Variants in ME3 observed in about 807,000 individuals in gnomAD.
ME3 encodes NADP-dependent malic enzyme, mitochondrial.
Under a neutral mutation model 68.9 loss-of-function variants are expected in ME3, and 48 were observed. The observed-to-expected ratio is 0.70, with a 90% CI of 0.55 to 0.89. The LOEUF (loss-of-function observed/expected upper bound fraction) is 0.89, where lower values mean the gene tolerates loss of function less well. ME3 is among the 40% of genes least tolerant of loss of function. The pLI is 0.00. For missense variants in ME3, 675 were observed against 797.4 expected, an observed-to-expected ratio of 0.85 and a Z score of 1.85; for synonymous variants, 320 against 318.8, an observed-to-expected ratio of 1.00 and a Z score of -0.04.
intron 8 of ME3, among the ~76,000 whole-genome samples, chr11:86,460,759 A>G (rs1417643894): frequency 3.9e-5 from 6 of 152,208 alleles, no homozygotes; most frequent in Non-Finnish European, 4.4e-5. Flanking sequence ...CTCCTCTCCC[A>G]TTATGAGCAT....
chr11:86,623,496 G>A (rs1278335070), intron 2 of ME3, among the ~76,000 whole-genome samples: 2 of 141,592 alleles, frequency 1.4e-5, no homozygotes, highest in African/African-American at 2.7e-5. Context: ...TGTCCTGTTG[G>A]TTTTGTTTCT....
intron 2 of ME3, among the ~76,000 whole-genome samples, chr11:86,629,896 C>T (rs1943906881): frequency 6.6e-6 from 1 of 152,092 alleles, no homozygotes; most frequent in African/African-American, 2.4e-5. Context: ...TCTAAATGTG[C>T]ACTGTTGAGG....
At position 86,507,770 on chromosome 11, in the gene ME3, C is replaced by T. The variant is rs1216701233; in HGVS notation, c.543+1022G>A. On this transcript the variant is annotated intron_variant, in intron 5 of 14. Coordinates refer to ENST00000543262, the Ensembl canonical transcript of ME3. ...GGCGTCGATGGACAGATCACTTGGG[C>T]CCAGAAATTCAGGACCAGTCAGGGC... is the stretch of plus-strand genomic sequence containing the variant. Among the ~76,000 whole-genome samples, 3 of 152,158 alleles carry T rather than the reference C, an allele frequency of 2.0e-5. No individual in the cohort carries two copies. In the East Asian group the frequency reaches 5.8e-4, roughly 29 times the overall value.
intron 2 of ME3, among the ~76,000 whole-genome samples, chr11:86,610,253 A>C (rs894340356): frequency 1.3e-5 from 2 of 152,126 alleles, no homozygotes; most frequent in African/African-American, 2.4e-5. Context: ...ATAATGTTTC[A>C]TTTAAAAAAC....
chr11:86,533,672 G>T (rs10792855), intron 4 of ME3, among the ~76,000 whole-genome samples: 17,785 of 152,134 alleles, frequency 0.12, 1,043 homozygotes, highest in Non-Finnish European at 0.14. Context: ...AAAGCCAGAC[G>T]AGGACACTAC....
intron 2 of ME3, among the ~76,000 whole-genome samples, chr11:86,640,514 AT>A (rs1167360130): frequency 2.6e-5 from 4 of 152,120 alleles, no homozygotes; most frequent in Non-Finnish European, 4.4e-5. Context: ...GGGGCCACAG[AT>A]TTTCACACTG....
At chr11:86,672,240 A>G (rs985991201) in intron 1 of ME3, 84 bp downstream of exon 1, 1 of 353,272 alleles carries the variant, frequency 2.8e-6, no homozygotes, top group Non-Finnish European at 5.0e-6. Context: ...TCCCTGTGAA[A>G]AAGAGGCGAC....
chr11:86,435,474 A>T, the ME3 span: 1 of 152,236 alleles, frequency 6.6e-6, no homozygotes, highest in Non-Finnish European at 1.5e-5. Flanking sequence ...GATTCTGGAC[A>T]TGGACTAATA....
chr11:86,625,913 G>GTA (rs1380670719), intron 2 of ME3, among the ~76,000 whole-genome samples: 5 of 152,124 alleles, frequency 3.3e-5, no homozygotes, highest in African/African-American at 1.2e-4. Context: ...GATAATATGA[G>GTA]TATATACCTC....
chr11:86,481,648 C>CT (rs2138880589), intron 7 of ME3, among the ~76,000 whole-genome samples: 1 of 152,272 alleles, frequency 6.6e-6, no homozygotes, highest in Non-Finnish European at 1.5e-5. Context: ...GAAGAAGCAG[C>CT]TGCAGCTTCA....
At chr11:86,672,042 G>T in intron 1 of ME3, 84 bp from the exon 2 acceptor site, 1 of 1,135,732 alleles carries the variant, frequency 8.8e-7, no homozygotes. Flanking sequence ...GGCCTGATCC[G>T]GGGACGCGCC....
intron 2 of ME3, among the ~76,000 whole-genome samples, chr11:86,617,543 C>G (rs1423245602): frequency 1.3e-5 from 2 of 152,102 alleles, no homozygotes; most frequent in Non-Finnish European, 2.9e-5. Context: ...TTTGAAGAGA[C>G]TCTACATTTT....
At chr11:86,499,225 G>A (rs1265864413) in intron 5 of ME3, among the ~76,000 whole-genome samples, 1 of 152,112 alleles carries the variant, frequency 6.6e-6, no homozygotes, top group Non-Finnish European at 1.5e-5. Context: ...TGTTTGGGGA[G>A]CGAGGAGATG....
At chr11:86,554,662 T>C (rs1290928574) in intron 4 of ME3, among the ~76,000 whole-genome samples, 1 of 152,170 alleles carries the variant, frequency 6.6e-6, no homozygotes, top group Non-Finnish European at 1.5e-5. Context: ...CTCAATTTCA[T>C]AAATGTGGAA....
chr11:86,613,975 A>G (rs1449642969), intron 2 of ME3, among the ~76,000 whole-genome samples: 1 of 152,176 alleles, frequency 6.6e-6, no homozygotes, highest in African/African-American at 2.4e-5. Context: ...ATCTACTTTA[A>G]ATTTCATATG....
At chr11:86,669,453 G>A (rs1478339631) in intron 2 of ME3, among the ~76,000 whole-genome samples, 3 of 152,188 alleles carry the variant, frequency 2.0e-5, no homozygotes, top group African/African-American at 7.2e-5. Context: ...CCACATGGCT[G>A]GAAAGGTCTC....
chr11:86,637,641 GA>G (rs771653896), intron 2 of ME3, among the ~76,000 whole-genome samples: 1 of 152,160 alleles, frequency 6.6e-6, no homozygotes, highest in Non-Finnish European at 1.5e-5. Context: ...CACCCCTCGA[GA>G]AGGGCCTTGT....
In ME3 at chr11:86,499,787, C is replaced by T. The variant is rs140274142; in HGVS notation, c.544-1663G>A. Among the ~76,000 whole-genome samples, 439 of 152,304 alleles carry T rather than the reference C, an allele frequency of 2.9e-3. 3 individuals carry two copies. Among genetic ancestry groups the T allele is most frequent in the African/African-American group, 0.01 (427 of 41,566 alleles). On this transcript the variant is annotated intron_variant, in intron 5 of 14. Transcript: ENST00000543262. ...GCATCTCATGTGACCTTCCCCATAG[C>T]CTGGGCAGGTAGGCGGATCTGAGAT...
At chr11:86,600,896 G>A (rs1594616604) in intron 2 of ME3, among the ~76,000 whole-genome samples, 1 of 150,664 alleles carries the variant, frequency 6.6e-6, no homozygotes, top group African/African-American at 2.4e-5. Context: ...GATGTTCTTT[G>A]AAACCAATGA....
Sources: gnomAD v4.1 joint callset for allele counts (sites outside exome capture counted in the v4.1 genomes callset) on GRCh38, gnomAD v4.1.1 for gene constraint, MANE v1.5 for transcripts, NCBI Gene and HGNC (gene_info 2026-07-23, HGNC 2026-07-21) for gene names.